LMBR1: variants seen among roughly 807,000 people sequenced by gnomAD.
LMBR1 encodes limb development membrane protein 1.
In LMBR1, 52 loss-of-function variants were observed where a neutral mutation model predicts 73.9. That is an observed-to-expected ratio of 0.70 (90% confidence interval 0.56 to 0.89). LMBR1 has a LOEUF of 0.89. LMBR1 is among the 40% of genes least tolerant of loss of function. The probability of loss-of-function intolerance (pLI) is 0.00; values close to 1 mark genes in which losing one functional copy is unlikely to be tolerated. For missense variants in LMBR1, 539 were observed against 579.8 expected (o/e 0.93, Z 0.72); for synonymous variants, 215 against 209.4 (o/e 1.03, Z -0.23).
chr7:156,832,495 C>T (rs1047086357), intron 3 of LMBR1, among the ~76,000 whole-genome samples: 9 of 152,184 alleles, frequency 5.9e-5, no homozygotes, highest in African/African-American at 2.2e-4. Context: ...TTGCAATCAT[C>T]AATCTGCTTT....
chr7:156,671,620 G>A (rs896239357), intron 4 of LMBR1, among the ~76,000 whole-genome samples: 2 of 150,974 alleles, frequency 1.3e-5, no homozygotes, highest in African/African-American at 4.8e-5. Context: ...TGCCTGTGCA[G>A]GTTTGTCACT....
At chr7:156,698,918 A>G (rs1808975737) in intron 15 of LMBR1, among the ~76,000 whole-genome samples, 2 of 152,140 alleles carry the variant, frequency 1.3e-5, no homozygotes, top group South Asian at 4.1e-4. Flanking sequence ...CAGGCTGCAA[A>G]TTTTCCAAAC....
chr7:156,871,277 G>A (rs917048930), intron 1 of LMBR1, among the ~76,000 whole-genome samples: 1 of 152,134 alleles, frequency 6.6e-6, no homozygotes, highest in African/African-American at 2.4e-5. Flanking sequence ...CCTATAAGAA[G>A]TATGCAGACT....
intron 1 of LMBR1, among the ~76,000 whole-genome samples, chr7:156,844,670 A>G (rs1374094351): frequency 1.3e-5 from 2 of 152,078 alleles, no homozygotes; most frequent in Non-Finnish European, 2.9e-5. Flanking sequence ...TACTGTGAAC[A>G]AATTGAGCTT....
chr7:156,741,250 A>G (rs1254309758), intron 9 of LMBR1, among the ~76,000 whole-genome samples: 1 of 152,178 alleles, frequency 6.6e-6, no homozygotes, highest in East Asian at 1.9e-4. Context: ...AGAGAAGACT[A>G]TACAAAACAA....
At chr7:156,703,414 G>A (rs1810224779) in intron 15 of LMBR1, among the ~76,000 whole-genome samples, 1 of 152,202 alleles carries the variant, frequency 6.6e-6, no homozygotes, top group South Asian at 2.1e-4. Context: ...CAGAGGCCAG[G>A]ATGGGGGCTG....
At chr7:156,868,947 AAAGT>A (rs1186500384) in intron 1 of LMBR1, among the ~76,000 whole-genome samples, 1 of 152,224 alleles carries the variant, frequency 6.6e-6, no homozygotes, top group East Asian at 1.9e-4. Context: ...CCTGGGTAAC[AAAGT>A]AAGACCCTGT....
intron 9 of LMBR1, among the ~76,000 whole-genome samples, chr7:156,734,979 T>G (rs1817577503): frequency 6.6e-6 from 1 of 152,248 alleles, no homozygotes. Flanking sequence ...ATGTCCAAGT[T>G]GACAGCTGAA....
chr7:156,865,168 G>A (rs773270453), intron 1 of LMBR1, among the ~76,000 whole-genome samples: 1 of 151,966 alleles, frequency 6.6e-6, no homozygotes, highest in African/African-American at 2.4e-5. Flanking sequence ...TTAGCTGGGC[G>A]TGATGTTGCA....
At chr7:156,768,638 T>C (rs1181910270) in intron 5 of LMBR1, among the ~76,000 whole-genome samples, 4 of 152,038 alleles carry the variant, frequency 2.6e-5, no homozygotes, top group African/African-American at 9.7e-5. Context: ...GGAAATAGGG[T>C]TTCCCCCAGG....
intron 1 of LMBR1, among the ~76,000 whole-genome samples, chr7:156,888,206 C>G (rs1335202038): frequency 1.3e-5 from 2 of 151,132 alleles, no homozygotes; most frequent in East Asian, 2.0e-4. Flanking sequence ...GTCAGGAGAT[C>G]AAGACCTTCC....
chr7:156,809,709 G>A (rs1028846966), intron 4 of LMBR1, among the ~76,000 whole-genome samples: 1 of 152,154 alleles, frequency 6.6e-6, no homozygotes, highest in African/African-American at 2.4e-5. Flanking sequence ...CTGTCACAAC[G>A]TCATCTGGCT....
At chr7:156,671,479 C>T (rs145479322) in intron 4 of LMBR1, among the ~76,000 whole-genome samples, 28 of 152,222 alleles carry the variant, frequency 1.8e-4, no homozygotes, top group Middle Eastern at 6.8e-3. Flanking sequence ...CACCGAGCAA[C>T]GGCAGCACAT....
chr7:156,758,449 T>C (rs766170118), intron 8 of LMBR1, among the ~76,000 whole-genome samples: 6 of 152,232 alleles, frequency 3.9e-5, no homozygotes, highest in African/African-American at 7.2e-5. Flanking sequence ...CAGAACCTCA[T>C]GTTGAAATCT....
chr7:156,831,522 G>C (rs1427440235), intron 3 of LMBR1, among the ~76,000 whole-genome samples: 1 of 152,018 alleles, frequency 6.6e-6, no homozygotes, highest in Non-Finnish European at 1.5e-5. Flanking sequence ...AGACTAGTCA[G>C]ACTCCTCCTC....
chr7:156,730,356 T>C (rs1816614508), intron 10 of LMBR1, among the ~76,000 whole-genome samples: 1 of 152,126 alleles, frequency 6.6e-6, no homozygotes, highest in Non-Finnish European at 1.5e-5. Context: ...TAAAATTCAT[T>C]AAGAAAATGA....
At chr7:156,881,892 A>T (rs913555513) in intron 1 of LMBR1, among the ~76,000 whole-genome samples, 5 of 152,156 alleles carry the variant, frequency 3.3e-5, no homozygotes, top group Non-Finnish European at 7.4e-5. Context: ...ATGCAAAATG[A>T]TGCAGCTGCT....
intron 1 of LMBR1, among the ~76,000 whole-genome samples, chr7:156,875,511 T>C (rs144570509): frequency 2.9e-4 from 44 of 152,284 alleles, no homozygotes; most frequent in African/African-American, 8.4e-4. Context: ...CCTAGGCACA[T>C]TGTCATCAAC....
rs1012771768 is a variant in LMBR1, at chr7:156,680,325, G to A, written c.*3753C>T. The A allele has an allele frequency of 1.3e-5, 2 of 150,942 alleles. No homozygotes were observed. Among genetic ancestry groups the A allele is most frequent in the African/African-American group, 2.4e-5 (1 of 40,972 alleles). 9.4% of individuals were successfully genotyped at this position (150,942 alleles called of 1,614,324 possible). On this transcript the variant is annotated 3_prime_UTR_variant, in exon 17 of 17. Transcript: ENST00000353442. ...CAGAAGATGCCAGCATGCACACTTA[G>A]GAAAAACAAGTACTGTCTTGTTAAA...
Sources: allele counts gnomAD v4.1 joint callset (sites outside exome capture counted in the v4.1 genomes callset), GRCh38; gene constraint gnomAD v4.1.1; transcripts MANE v1.5; gene names NCBI Gene and HGNC (gene_info 2026-07-23, HGNC 2026-07-21).